Variants in NWD2 observed in about 807,000 individuals in gnomAD.
NWD2 encodes NACHT and WD repeat domain containing 2, also known as NACHT and WD repeat domain-containing protein 2.
In NWD2, 37 loss-of-function variants were observed where a neutral mutation model predicts 132.7. The observed-to-expected ratio is 0.28, with a 90% CI of 0.21 to 0.37. The LOEUF (loss-of-function observed/expected upper bound fraction) is 0.37. Among genes scored for constraint, NWD2 ranks in the 10% least tolerant of loss-of-function variants. The probability of loss-of-function intolerance (pLI) is 1.00; values close to 1 mark genes in which losing one functional copy is unlikely to be tolerated. For synonymous variants in NWD2, 705 were observed against 803.0 expected, an observed-to-expected ratio of 0.88 and a Z score of 2.06; for missense variants, 1,592 against 2,122.4, an observed-to-expected ratio of 0.75 and a Z score of 4.91.
At chr4:37,375,047 TC>T in intron 3 of NWD2, among the ~76,000 whole-genome samples, 1 of 152,338 alleles carries the variant, frequency 6.6e-6, no homozygotes, top group African/African-American at 2.4e-5. Context: ...TCCTTTTGCT[TC>T]CAAAACATGG....
intron 3 of NWD2, among the ~76,000 whole-genome samples, chr4:37,412,222 A>T (rs570006656): frequency 1.3e-5 from 2 of 152,330 alleles, no homozygotes; most frequent in East Asian, 1.9e-4. Context: ...GCATGATTGT[A>T]TATTTAGAAA....
intron 1 of NWD2, among the ~76,000 whole-genome samples, chr4:37,288,620 A>G (rs1718293804): frequency 6.6e-6 from 1 of 152,236 alleles, no homozygotes; most frequent in Non-Finnish European, 1.5e-5. Flanking sequence ...TATTGTTTCC[A>G]TGGAAGTCTA....
chr4:37,425,910 G>A (rs1434416764), intron 3 of NWD2, among the ~76,000 whole-genome samples: 1 of 152,170 alleles, frequency 6.6e-6, no homozygotes, highest in African/African-American at 2.4e-5. Context: ...CTAACGAATA[G>A]TCTAATTAGG....
chr4:37,436,118 G>A (rs1712315114), intron 5 of NWD2, among the ~76,000 whole-genome samples: 2 of 151,542 alleles, frequency 1.3e-5, no homozygotes, highest in South Asian at 4.1e-4. Context: ...GTGGCCTTGG[G>A]AATCGTAAAG....
intron 2 of NWD2, among the ~76,000 whole-genome samples, chr4:37,343,188 C>G (rs925186304): frequency 2.0e-5 from 3 of 152,192 alleles, no homozygotes; most frequent in African/African-American, 7.2e-5. Context: ...GACTTCTCTG[C>G]TTACTACCTT....
intron 1 of NWD2, among the ~76,000 whole-genome samples, chr4:37,282,343 G>T (rs1718145019): frequency 6.6e-6 from 1 of 151,954 alleles, no homozygotes; most frequent in Non-Finnish European, 1.5e-5. Flanking sequence ...ATAACAATGG[G>T]TTTTTTTCCC....
intron 3 of NWD2, among the ~76,000 whole-genome samples, chr4:37,410,727 C>T (rs1031453082): frequency 6.6e-6 from 1 of 152,114 alleles, no homozygotes; most frequent in East Asian, 1.9e-4. Flanking sequence ...TATTCTAAAA[C>T]TGACCAAATA....
At chr4:37,394,801 T>TTTTTTGTGTTTTGTTTTG (rs1720748769) in intron 3 of NWD2, among the ~76,000 whole-genome samples, 1 of 79,582 alleles carries the variant, frequency 1.3e-5, no homozygotes, top group African/African-American at 4.2e-5. Context: ...CCTTTATGGT[T>TTTTTTGTGTTTTGTTTTG]TTTTTTTTTT....
At chr4:37,333,226 C>T (rs532288327) in intron 2 of NWD2, among the ~76,000 whole-genome samples, 2 of 152,150 alleles carry the variant, frequency 1.3e-5, no homozygotes, top group African/African-American at 4.8e-5. Flanking sequence ...CTGTAAAGCC[C>T]TTGGTCCTTG....
At chr4:37,270,709 G>A (rs569031252) in intron 1 of NWD2, among the ~76,000 whole-genome samples, 1 of 151,818 alleles carries the variant, frequency 6.6e-6, no homozygotes, top group South Asian at 2.1e-4. Context: ...TCACAGTCTG[G>A]TACATATCCC....
Position 37,446,565 on chromosome 4 carries a change from A to G in NWD2, c.4577A>G (p.Asn1526Ser). Residue 1526 changes from asparagine (N) to serine (S), a missense_variant, in exon 7 of 7, where the codon AAT becomes AGT. This residue lies in a region of NWD2 where 257 missense variants were observed against 335.0 expected (regional missense o/e 0.77). Transcript: ENST00000309447. This position sits in a 1 kb window ranked among gnomAD's most constrained non-coding sequence, Gnocchi z 6.7. ...RVQLPNNFLKNLEDFEISPNG... is the reference protein window; with the variant it reads ...RVQLPNNFLKSLEDFEISPNG... ...CAACTTCCAAACAACTTCTTGAAAA[A>G]TCTGGAGGACTTTGAAATTTCTCCC... 6.4e-7 allele frequency: 1 copy of G among 1,551,746 alleles called. No individual in the cohort carries two copies. Among genetic ancestry groups the G allele is most frequent in the African/African-American group, 1.4e-5 (1 of 73,134 alleles).
chr4:37,439,055 G>A lies in NWD2; in HGVS notation c.961G>A (p.Val321Ile), dbSNP rs1162295918. The A allele has an allele frequency of 3.2e-6, 5 of 1,551,714 alleles. No homozygotes were observed. Among genetic ancestry groups the A allele is most frequent in the Non-Finnish European group, 4.4e-6 (5 of 1,146,966 alleles). Reference protein sequence around the residue: ...ASSNLRVYTSVTHCDMKLGYS... With the variant: ...ASSNLRVYTSITHCDMKLGYS... The stretch of plus-strand genomic sequence containing the variant: ...ATCTAATCTGAGAGTGTACACATCT[G>A]TTACTCATTGTGACATGAAACTAGG... Residue 321 changes from valine (V) to isoleucine (I), a missense_variant, in exon 6 of 7, where the codon GTT (valine) becomes ATT (isoleucine). By Grantham distance (29) the Val-to-Ile change is conservative (BLOSUM62 3). Transcript: ENST00000309447. The surrounding 1 kb of genome is among the most constrained non-coding windows in gnomAD (Gnocchi z 4.5).
intron 2 of NWD2, among the ~76,000 whole-genome samples, chr4:37,334,515 C>T (rs1036923795): frequency 5.3e-5 from 8 of 152,184 alleles, no homozygotes; most frequent in African/African-American, 1.9e-4. Context: ...CACACCCTGT[C>T]CTTCACAATC....
intron 3 of NWD2, among the ~76,000 whole-genome samples, chr4:37,405,748 A>C (rs1720990825): frequency 6.6e-6 from 1 of 152,204 alleles, no homozygotes; most frequent in Non-Finnish European, 1.5e-5. Flanking sequence ...GCATTTTTAT[A>C]ATTTCACCCA....
Position 37,445,746 on chromosome 4 carries a change from C to A in NWD2, c.3758C>A (p.Thr1253Asn), listed in dbSNP as rs1255582638. ...TGTATCATCGCCACCATGGAAAATA[C>A]CTCAGCTGTGTTTTTTTGGAGGCGG... ...GDCIIATMEN[T>N]SAVFFWRRDT... is the part of the protein sequence containing the mutation. The change falls in exon 7 of 7, where the codon ACC becomes AAC. Residue 1253 changes from threonine to asparagine, a missense_variant. Physicochemically the swap from Thr to Asn is moderately conservative, Grantham distance 65 (BLOSUM62 0). Transcript: ENST00000309447. This position sits in a 1 kb window ranked among gnomAD's most constrained non-coding sequence, Gnocchi z 4.7. 6.4e-7 allele frequency: 1 copy of A among 1,551,754 alleles called. No individual in the cohort carries two copies. Among genetic ancestry groups the A allele is most frequent in the Non-Finnish European group, 8.7e-7 (1 of 1,147,046 alleles).
chr4:37,274,734 T>A (rs1205234855), intron 1 of NWD2, among the ~76,000 whole-genome samples: 1 of 151,904 alleles, frequency 6.6e-6, no homozygotes, highest in Non-Finnish European at 1.5e-5. Context: ...TTATCCACCA[T>A]GATCAAGTGG....
intron 3 of NWD2, among the ~76,000 whole-genome samples, chr4:37,414,462 GAA>G (rs550414685): frequency 2.3e-5 from 3 of 130,816 alleles, no homozygotes; most frequent in African/African-American, 2.8e-5. Context: ...AGCCAGCCCT[GAA>G]AAAAAAAAAA....
intron 1 of NWD2, among the ~76,000 whole-genome samples, chr4:37,291,566 C>T (rs1393833389): frequency 6.6e-6 from 1 of 151,954 alleles, no homozygotes. Flanking sequence ...AATATTGATA[C>T]TTTGGGAAAG....
At chr4:37,387,862 T>C (rs1276215112) in intron 3 of NWD2, among the ~76,000 whole-genome samples, 1 of 151,552 alleles carries the variant, frequency 6.6e-6, no homozygotes, top group Non-Finnish European at 1.5e-5. Context: ...TTTGTACAGA[T>C]AGGGTTTCAC....
Sources: allele counts gnomAD v4.1 joint callset (sites outside exome capture counted in the v4.1 genomes callset), GRCh38; gene constraint gnomAD v4.1.1; regional missense constraint gnomAD v4.1.1; non-coding constraint Gnocchi (gnomAD v3.1); transcripts MANE v1.5; gene names NCBI Gene and HGNC (gene_info 2026-07-23, HGNC 2026-07-21).